Variants in CNTN4 observed in about 807,000 individuals in gnomAD.
CNTN4 encodes contactin 4, also known as contactin-4.
A neutral mutation model predicts 122.5 loss-of-function variants in CNTN4; 77 were observed. The ratio of observed to expected loss-of-function variants is 0.63; its 90% CI spans 0.52 to 0.76. The LOEUF is 0.76. Among genes scored for constraint, CNTN4 ranks in the 30% least tolerant of loss-of-function variants. The probability of loss-of-function intolerance (pLI) is 0.00; values close to 1 mark genes in which losing one functional copy is unlikely to be tolerated. For synonymous variants in CNTN4, 512 were observed against 447.0 expected, an observed-to-expected ratio of 1.15 and a Z score of -1.83; for missense variants, 1,256 against 1,259.1, an observed-to-expected ratio of 1.00 and a Z score of 0.04.
intron 2 of CNTN4, among the ~76,000 whole-genome samples, chr3:2,334,817 G>A (rs1221272786): frequency 2.6e-5 from 4 of 152,090 alleles, no homozygotes; most frequent in Admixed American, 6.5e-5. Flanking sequence ...TAGAGATGCC[G>A]CATCTGGGTT....
Position 3,026,175 on chromosome 3 carries a change from G to A in CNTN4, c.1560G>A (p.Gln520=). 6.2e-7 allele frequency: 1 copy of A among 1,613,364 alleles called. No individual in the cohort carries two copies. The part of the protein sequence containing the change: ...TVGESIVLPC[Q]VTHDHSLDIV... ...GAGAGAGTATTGTTTTACCGTGCCA[G>A]GTAACGCATGATCACTCGCTAGACA... The change falls in exon 15 of 25, where the codon CAG becomes CAA. Residue 520 remains glutamine, a synonymous_variant. Coordinates refer to ENST00000418658, the MANE Select transcript of CNTN4 (RefSeq NM_175607.3).
intron 4 of CNTN4, among the ~76,000 whole-genome samples, chr3:2,668,162 A>G (rs1395598893): frequency 6.6e-6 from 1 of 152,134 alleles, no homozygotes; most frequent in Admixed American, 6.5e-5. Context: ...GATGGCATGG[A>G]ATCTATAAAT....
intron 2 of CNTN4, among the ~76,000 whole-genome samples, chr3:2,293,013 C>T (rs182719971): frequency 3.8e-4 from 58 of 152,344 alleles, no homozygotes; most frequent in Admixed American, 7.2e-4. Context: ...CTGTTACCAA[C>T]AATGCATGGA....
intron 4 of CNTN4, among the ~76,000 whole-genome samples, chr3:2,659,783 AT>A (rs1424885563): frequency 2.0e-5 from 3 of 152,100 alleles, no homozygotes; most frequent in African/African-American, 7.2e-5. Context: ...TATTTGTTTG[AT>A]TGTTTTCTTT....
chr3:2,160,010 C>T (rs1011212410), intron 2 of CNTN4, among the ~76,000 whole-genome samples: 7 of 152,058 alleles, frequency 4.6e-5, no homozygotes, highest in African/African-American at 1.2e-4. Context: ...TGTTTCCTCT[C>T]TGTCTTCCTA....
intron 4 of CNTN4, among the ~76,000 whole-genome samples, chr3:2,671,483 C>G (rs541527115): frequency 1.3e-5 from 2 of 152,160 alleles, no homozygotes; most frequent in South Asian, 4.1e-4. Context: ...TTCTAGTTAG[C>G]CATTCATGTA....
chr3:3,026,425 G>A, intron 15 of CNTN4, 148 bp downstream of exon 15: 2 of 721,266 alleles, frequency 2.8e-6, no homozygotes, highest in South Asian at 1.6e-5. Flanking sequence ...CACAATAAAT[G>A]TGGCATCACT....
rs182452213 is a variant in CNTN4, at chr3:2,925,267, A to T, written c.1208-362A>T. ...GTAGCAATAAGTGTATTAGAGAAAG[A>T]AAAAGATGCTGGGTGTGGTGGCTCA... On this transcript the variant is annotated intron_variant, in intron 12 of 24. Coordinates refer to ENST00000418658, the MANE Select transcript of CNTN4 (RefSeq NM_175607.3). Among the ~76,000 whole-genome samples the T allele has an allele frequency of 1.6e-4, 24 of 152,342 alleles. 1 individual carries two copies. The highest frequency in any genetic ancestry group is 1.4e-3 in the Admixed American group (22 of 15,304).
At chr3:2,469,736 A>G (rs1337461824) in intron 3 of CNTN4, among the ~76,000 whole-genome samples, 2 of 152,284 alleles carry the variant, frequency 1.3e-5, no homozygotes, top group South Asian at 2.1e-4. Flanking sequence ...CTCTTGATCC[A>G]TTGTTTCATA....
intron 3 of CNTN4, among the ~76,000 whole-genome samples, chr3:2,566,793 G>C (rs984956752): frequency 1.6e-4 from 24 of 152,144 alleles, no homozygotes; most frequent in African/African-American, 5.8e-4. Flanking sequence ...GAGGTAATTT[G>C]TAGTAAATCC....
At chr3:2,270,085 G>T (rs1411961718) in intron 2 of CNTN4, among the ~76,000 whole-genome samples, 2 of 87,358 alleles carry the variant, frequency 2.3e-5, no homozygotes, top group Admixed American at 1.3e-4. Flanking sequence ...CAGTAGCTGG[G>T]ACTACAGGCG....
chr3:3,045,150 G>C (rs889154945), intron 23 of CNTN4, among the ~76,000 whole-genome samples: 3 of 152,216 alleles, frequency 2.0e-5, no homozygotes, highest in Non-Finnish European at 2.9e-5. Flanking sequence ...GCTCAAACTG[G>C]GTGGAGCCCA....
intron 2 of CNTN4, among the ~76,000 whole-genome samples, chr3:2,217,507 C>G (rs1055614560): frequency 6.6e-6 from 1 of 152,178 alleles, no homozygotes; most frequent in African/African-American, 2.4e-5. Context: ...AAAACTGTTT[C>G]CTTTTTGAGT....
chr3:2,819,208 A>G (rs2092808598), intron 6 of CNTN4, among the ~76,000 whole-genome samples: 1 of 152,206 alleles, frequency 6.6e-6, no homozygotes, highest in African/African-American at 2.4e-5. Flanking sequence ...AAATGTGACT[A>G]GTGTCTGAGG....
chr3:2,906,336 A>C (rs988493951), intron 12 of CNTN4, among the ~76,000 whole-genome samples: 4 of 152,212 alleles, frequency 2.6e-5, no homozygotes, highest in Non-Finnish European at 5.9e-5. Flanking sequence ...GCGGATGTTA[A>C]GTGTTTCACC....
At position 3,037,267 on chromosome 3, in the gene CNTN4, C is replaced by T. The variant is rs1226249575; in HGVS notation, c.2031C>T (p.Ala677=). The T allele has an allele frequency of 1.2e-6, 2 of 1,614,028 alleles. No individual in the cohort carries two copies. The highest frequency in any genetic ancestry group is 1.3e-5 in the African/African-American group (1 of 74,882). Residue 677 remains alanine (A), a synonymous_variant, in exon 18 of 25, where the codon GCC becomes GCT. Transcript: ENST00000418658. ...AATATGAATTCCGCACAGTTGCAGC[C>T]AACGTGATTGGGATTGGGGAGCCCA... The part of the protein sequence containing the change: ...WVEYEFRTVA[A]NVIGIGEPSR...
At chr3:2,720,446 G>A (rs931363551) in intron 4 of CNTN4, among the ~76,000 whole-genome samples, 1 of 152,138 alleles carries the variant, frequency 6.6e-6, no homozygotes, top group Non-Finnish European at 1.5e-5. Flanking sequence ...TAGGTTTTCT[G>A]GGACTTACAC....
At position 3,056,163 on chromosome 3, in the gene CNTN4, T is replaced by C. The variant is rs150344543; in HGVS notation, c.3024T>C (p.Cys1008=). 290 of 1,614,160 alleles carry C rather than the reference T, an allele frequency of 1.8e-4. 6 individuals carry two copies. In the East Asian group the frequency reaches 6.4e-3, roughly 36 times the overall value. ...RGSGASTSNA[C]TLSAISTIMI... ...CTGGGGCTTCCACTTCGAATGCATG[T>C]ACGCTGTCAGCCATCAGTACAATAA... Residue 1008 remains cysteine, a synonymous_variant, in exon 25 of 25, where the codon TGT becomes TGC. Coordinates refer to ENST00000418658, the MANE Select transcript of CNTN4 (RefSeq NM_175607.3).
At chr3:2,127,357 A>G (rs899473887) in intron 2 of CNTN4, among the ~76,000 whole-genome samples, 5 of 152,042 alleles carry the variant, frequency 3.3e-5, no homozygotes, top group Non-Finnish European at 5.9e-5. Flanking sequence ...CCTCCCTTTT[A>G]TTCAATTTTT....
Sources: gnomAD v4.1 joint callset for allele counts (sites outside exome capture counted in the v4.1 genomes callset) on GRCh38, gnomAD v4.1.1 for gene constraint, MANE v1.5 for transcripts, NCBI Gene and HGNC (gene_info 2026-07-23, HGNC 2026-07-21) for gene names.